Variants in TAS2R1 observed in about 807,000 individuals in gnomAD.
TAS2R1 encodes the protein taste receptor type 2 member 1.
For missense variants in TAS2R1, 370 were observed against 353.4 expected (o/e 1.05, Z -0.38); for synonymous variants, 141 against 134.2 (o/e 1.05, Z -0.35).
In TAS2R1 at chr5:9,649,458, G is replaced by C. The variant is rs1318140442; in HGVS notation, c.-81+9963C>G. ...TATGACCTCATTGTAGTTGCACAGGGAGACTCCAGCTACATCTTATCTTTT... is the reference window on the plus strand; with the variant it reads ...TATGACCTCATTGTAGTTGCACAGGCAGACTCCAGCTACATCTTATCTTTT... On this transcript the variant is annotated intron_variant, in intron 2 of 2. Transcript: ENST00000506620. Among the ~76,000 whole-genome samples, 4 of 152,250 alleles carry C rather than the reference G, an allele frequency of 2.6e-5. No individual in the cohort carries two copies. The East Asian group carries it at 7.7e-4, about 29-fold the overall frequency.
At chr5:9,783,069 C>G in the TAS2R1 span, among the ~76,000 whole-genome samples, 1 of 152,148 alleles carries the variant, frequency 6.6e-6, no homozygotes. Flanking sequence ...GGCGTGTCTC[C>G]TGTCTTCATC....
At chr5:9,652,749 C>T (rs923520213) in intron 2 of TAS2R1, among the ~76,000 whole-genome samples, 3 of 152,082 alleles carry the variant, frequency 2.0e-5, no homozygotes, top group Admixed American at 6.6e-5. Flanking sequence ...GATTACAATG[C>T]AAATTTTTAT....
the TAS2R1 span, among the ~76,000 whole-genome samples, chr5:9,809,052 T>G: frequency 1.3e-5 from 2 of 152,212 alleles, no homozygotes; most frequent in African/African-American, 4.8e-5. Context: ...TCTTCCCTTT[T>G]GGAATGAGAA....
At chr5:9,673,183 T>C (rs1287162115) in intron 1 of TAS2R1, among the ~76,000 whole-genome samples, 1 of 152,118 alleles carries the variant, frequency 6.6e-6, no homozygotes, top group Non-Finnish European at 1.5e-5. Flanking sequence ...AAAAACTACC[T>C]AGTGGGTACT....
chr5:9,810,845 T>A, the TAS2R1 span, among the ~76,000 whole-genome samples: 1 of 152,048 alleles, frequency 6.6e-6, no homozygotes, highest in Admixed American at 6.5e-5. Context: ...ATGGAAAATG[T>A]TGCACTATTT....
chr5:9,864,873 C>G, the TAS2R1 span, among the ~76,000 whole-genome samples: 62,774 of 151,872 alleles, frequency 0.41, 14,730 homozygotes, highest in African/African-American at 0.64. Context: ...GAAAGGGAGA[C>G]AGAGGCCACA....
At chr5:9,730,168 T>C in the TAS2R1 span, among the ~76,000 whole-genome samples, 3 of 152,240 alleles carry the variant, frequency 2.0e-5, no homozygotes, top group Middle Eastern at 6.3e-3. Context: ...TAAAGATGAT[T>C]TTGATGCAGA....
the TAS2R1 span, among the ~76,000 whole-genome samples, chr5:9,795,005 T>G: frequency 6.6e-6 from 1 of 152,230 alleles, no homozygotes; most frequent in East Asian, 1.9e-4. Flanking sequence ...ATATAATGTA[T>G]GGTGATCAGA....
the TAS2R1 span, chr5:9,854,500 TG>T: frequency 6.6e-6 from 1 of 152,162 alleles, no homozygotes; most frequent in Non-Finnish European, 1.5e-5. Flanking sequence ...GCTAAGGGAT[TG>T]GGGCCTCATC....
At chr5:9,872,867 C>T in the TAS2R1 span, among the ~76,000 whole-genome samples, 7 of 152,172 alleles carry the variant, frequency 4.6e-5, no homozygotes, top group East Asian at 1.9e-4. Flanking sequence ...TCCTAAAATT[C>T]GCCAGTGCCC....
At chr5:9,837,026 C>T in the TAS2R1 span, among the ~76,000 whole-genome samples, 2 of 152,086 alleles carry the variant, frequency 1.3e-5, no homozygotes, top group Non-Finnish European at 2.9e-5. Flanking sequence ...GACTGGTTGG[C>T]TGGCTGGCTG....
the TAS2R1 span, among the ~76,000 whole-genome samples, chr5:9,879,329 T>G: frequency 2.0e-4 from 31 of 152,320 alleles, no homozygotes; most frequent in African/African-American, 6.7e-4. Flanking sequence ...CCTTCTTCAG[T>G]TTCTCTGATC....
At chr5:9,706,537 A>C (rs1457252856) in intron 1 of TAS2R1, among the ~76,000 whole-genome samples, 2 of 152,200 alleles carry the variant, frequency 1.3e-5, no homozygotes, top group African/African-American at 4.8e-5. Flanking sequence ...AGTTAGACAA[A>C]ATGTCCATGC....
At chr5:9,692,807 C>T (rs1422049525) in intron 1 of TAS2R1, among the ~76,000 whole-genome samples, 33 of 152,190 alleles carry the variant, frequency 2.2e-4, no homozygotes, top group Admixed American at 2.2e-3. Flanking sequence ...TGCTGATCTC[C>T]TCTTTGTAGA....
chr5:9,684,435 G>A (rs1014167260), intron 1 of TAS2R1, among the ~76,000 whole-genome samples: 1 of 152,196 alleles, frequency 6.6e-6, no homozygotes, highest in African/African-American at 2.4e-5. Flanking sequence ...TTGGTTAACA[G>A]ATACAAAATT....
the TAS2R1 span, among the ~76,000 whole-genome samples, chr5:9,819,041 G>A: frequency 6.6e-6 from 1 of 152,200 alleles, no homozygotes; most frequent in Admixed American, 6.5e-5. Context: ...CAAGTAAACT[G>A]AAACACATCT....
chr5:9,663,137 T>C (rs1338403576), intron 1 of TAS2R1, among the ~76,000 whole-genome samples: 1 of 151,824 alleles, frequency 6.6e-6, no homozygotes. Flanking sequence ...TAAAAACTCA[T>C]AAAGTTATCA....
At position 9,663,564 on chromosome 5, in the gene TAS2R1, C is replaced by T. The variant is rs1740576651; in HGVS notation, c.-241-3983G>A. ...GAAGGTTTATGTCGTTGTTGTTTAA[C>T]TTAATATGCTACCCACGTTAATTAG... On this transcript the variant is annotated intron_variant, in intron 1 of 2. Coordinates refer to the TAS2R1 transcript ENST00000506620. 2.0e-5 allele frequency among the ~76,000 whole-genome samples: 3 copies of T among 152,230 alleles called. No homozygotes were observed. The South Asian group carries it at 6.2e-4, about 32-fold the overall frequency.
the TAS2R1 span, among the ~76,000 whole-genome samples, chr5:9,845,959 T>C: frequency 6.6e-6 from 1 of 152,296 alleles, no homozygotes; most frequent in Non-Finnish European, 1.5e-5. Flanking sequence ...AAATAAAATG[T>C]AAAGGAATAA....
Sources: gnomAD v4.1 joint callset for allele counts (sites outside exome capture counted in the v4.1 genomes callset) on GRCh38, gnomAD v4.1.1 for gene constraint, MANE v1.5 for transcripts, NCBI Gene and HGNC (gene_info 2026-07-23, HGNC 2026-07-21) for gene names.